Variants in NRG2 observed in about 807,000 individuals in gnomAD.
NRG2 encodes the protein pro-neuregulin-2, membrane-bound isoform.
A neutral mutation model predicts 73.9 loss-of-function variants in NRG2; 27 were observed. The ratio of observed to expected loss-of-function variants is 0.37; its 90% CI spans 0.27 to 0.50. The LOEUF (loss-of-function observed/expected upper bound fraction) is 0.50. NRG2 is among the 20% of genes least tolerant of loss of function. The pLI is 0.96. For missense variants in NRG2, 1,126 were observed against 1,210.1 expected, an observed-to-expected ratio of 0.93 and a Z score of 1.03; for synonymous variants, 532 against 541.0, an observed-to-expected ratio of 0.98 and a Z score of 0.23.
intron 1 of NRG2, among the ~76,000 whole-genome samples, chr5:139,945,025 T>C (rs1375284760): frequency 6.6e-6 from 1 of 152,166 alleles, no homozygotes; most frequent in East Asian, 1.9e-4. Flanking sequence ...ATTTTTCATA[T>C]ATTGTGTGGC....
intron 1 of NRG2, among the ~76,000 whole-genome samples, chr5:139,906,466 T>A (rs1765237073): frequency 6.6e-6 from 1 of 152,174 alleles, no homozygotes; most frequent in African/African-American, 2.4e-5. Flanking sequence ...TACTTACAAG[T>A]CACACACACT....
At chr5:140,020,183 T>A (rs373109070) in intron 1 of NRG2, among the ~76,000 whole-genome samples, 1 of 152,176 alleles carries the variant, frequency 6.6e-6, no homozygotes, top group East Asian at 1.9e-4. Flanking sequence ...ACCCAGAGAA[T>A]CAATAAAAGA....
At chr5:139,947,387 T>C (rs1235605161) in intron 1 of NRG2, among the ~76,000 whole-genome samples, 2 of 152,212 alleles carry the variant, frequency 1.3e-5, no homozygotes, top group Non-Finnish European at 1.5e-5. Flanking sequence ...TCAAAGTTCA[T>C]CCACATTGTA....
intron 1 of NRG2, among the ~76,000 whole-genome samples, chr5:140,038,661 A>G (rs1761685458): frequency 6.6e-6 from 1 of 152,216 alleles, no homozygotes; most frequent in Non-Finnish European, 1.5e-5. Context: ...GAGTCCTTCT[A>G]TAAACCAGGC....
intron 1 of NRG2, among the ~76,000 whole-genome samples, chr5:140,018,425 G>C (rs1372080805): frequency 6.6e-6 from 1 of 152,208 alleles, no homozygotes; most frequent in Admixed American, 6.5e-5. Context: ...AACTTTAGAA[G>C]AGGAAAACGG....
At chr5:139,958,872 A>G (rs2126492572) in intron 1 of NRG2, among the ~76,000 whole-genome samples, 1 of 152,254 alleles carries the variant, frequency 6.6e-6, no homozygotes, top group Non-Finnish European at 1.5e-5. Flanking sequence ...GTTTGGGGAG[A>G]CCTCAGCACT....
intron 1 of NRG2, among the ~76,000 whole-genome samples, chr5:140,024,687 C>T (rs1182635693): frequency 1.3e-5 from 2 of 152,182 alleles, no homozygotes; most frequent in Non-Finnish European, 2.9e-5. Context: ...AGGTCAGTCC[C>T]CCATTATCTT....
At chr5:139,985,706 G>A (rs1338397786) in intron 1 of NRG2, among the ~76,000 whole-genome samples, 1 of 152,182 alleles carries the variant, frequency 6.6e-6, no homozygotes, top group Admixed American at 6.5e-5. Context: ...CCCAATCTCA[G>A]GGGACAGCTT....
intron 5 of NRG2, chr5:139,861,880 G>T (rs1201814575): frequency 1.1e-5 from 5 of 451,080 alleles, no homozygotes; most frequent in African/African-American, 2.0e-5. Flanking sequence ...GAACAGCCCA[G>T]CTTGACCACA....
intron 1 of NRG2, among the ~76,000 whole-genome samples, chr5:139,976,965 T>C (rs1015169044): frequency 5.9e-5 from 9 of 152,202 alleles, no homozygotes; most frequent in African/African-American, 2.2e-4. Flanking sequence ...TGTCTTACTT[T>C]CCTCTTCAGT....
intron 1 of NRG2, among the ~76,000 whole-genome samples, chr5:140,002,507 C>A (rs1474830407): frequency 6.6e-6 from 1 of 152,086 alleles, no homozygotes; most frequent in Admixed American, 6.5e-5. Flanking sequence ...GTAGAGTGAA[C>A]AATAAATACC....
At chr5:139,967,820 G>A (rs1291405923) in intron 1 of NRG2, among the ~76,000 whole-genome samples, 2 of 149,892 alleles carry the variant, frequency 1.3e-5, no homozygotes, top group Admixed American at 6.6e-5. Flanking sequence ...TTAGCCAGGC[G>A]TGGTGGCGGG....
At chr5:139,949,872 C>A (rs1402892141) in intron 1 of NRG2, among the ~76,000 whole-genome samples, 2 of 152,204 alleles carry the variant, frequency 1.3e-5, no homozygotes, top group Non-Finnish European at 2.9e-5. Flanking sequence ...GTAATAGACA[C>A]CCTCAAAGCT....
chr5:139,871,816 C>G lies in NRG2; in HGVS notation c.1017G>C (p.Ser339=), dbSNP rs181171223. The G allele has an allele frequency of 1.5e-5, 24 of 1,613,958 alleles. No individual in the cohort carries two copies. Among genetic ancestry groups the G allele is most frequent in the Non-Finnish European group, 1.8e-5 (21 of 1,179,992 alleles). ...TCTCGTTGCACTTCCGGGCGTGCCC[C>G]GACCAGGATGACAGGGTGGTGCTCA... is the stretch of plus-strand genomic sequence containing the variant. ...NSVSTTLSSW[S]GHARKCNETA... Residue 339 remains serine (S), a synonymous_variant, in exon 4 of 10, where the codon TCG becomes TCC. Coordinates refer to ENST00000361474, the MANE Select transcript of NRG2 (RefSeq NM_004883.3).
At chr5:139,967,724 A>G (rs1207428349) in intron 1 of NRG2, among the ~76,000 whole-genome samples, 1 of 152,152 alleles carries the variant, frequency 6.6e-6, no homozygotes, top group Non-Finnish European at 1.5e-5. Flanking sequence ...CTGTAATCCT[A>G]GCACTCTGGG....
At chr5:139,860,274 C>T (rs1762069554) in intron 5 of NRG2, among the ~76,000 whole-genome samples, 1 of 152,122 alleles carries the variant, frequency 6.6e-6, no homozygotes, top group African/African-American at 2.4e-5. Flanking sequence ...TCTCAGGAGC[C>T]CCCCTGCTCC....
rs1471660792 is a variant in NRG2 at position 139,848,009 on chromosome 5, A to G, written c.2461T>C (p.Tyr821His). The G allele has an allele frequency of 5.3e-6, 8 of 1,514,428 alleles. No homozygotes were observed. The South Asian group carries it at 9.9e-5, about 19-fold the overall frequency. The allele number at this position is 1,514,428 out of a possible 1,614,324, so 93.8% of individuals were successfully genotyped here. The part of the protein sequence containing the change: ...PLCPAADSRT[Y>H]YSLDSHSTRA... The stretch of plus-strand genomic sequence containing the variant: ...GTGCTGTGGCTGTCCAGTGAGTAGT[A>G]AGTCCTGCTGTCGGCCGCCGGGCAC... Residue 821 changes from tyrosine (Y) to histidine (H), a missense_variant, in exon 10 of 10, where the codon TAC becomes CAC. Tyr to His is a moderately conservative substitution (Grantham distance 83). Around this residue, in one of 3 missense-constraint regions of NRG2, gnomAD observed 402 missense variants for 357.8 expected, o/e 1.12. Coordinates refer to ENST00000361474, the MANE Select transcript of NRG2 (RefSeq NM_004883.3).
intron 1 of NRG2, among the ~76,000 whole-genome samples, chr5:139,997,643 G>A (rs1304184078): frequency 6.6e-6 from 1 of 152,224 alleles, no homozygotes; most frequent in Non-Finnish European, 1.5e-5. Context: ...CTGGCAAATA[G>A]CAGAAATAGA....
intron 1 of NRG2, among the ~76,000 whole-genome samples, chr5:139,890,190 G>A (rs1482443267): frequency 6.6e-6 from 1 of 152,030 alleles, no homozygotes; most frequent in African/African-American, 2.4e-5. Context: ...AAAAGATAAC[G>A]TCTCTTTGTC....
Sources: allele counts gnomAD v4.1 joint callset (sites outside exome capture counted in the v4.1 genomes callset), GRCh38; gene constraint gnomAD v4.1.1; regional missense constraint gnomAD v4.1.1; transcripts MANE v1.5; gene names NCBI Gene and HGNC (gene_info 2026-07-23, HGNC 2026-07-21).